TRIM36: variants seen among roughly 807,000 people sequenced by gnomAD.
The protein encoded by TRIM36 is E3 ubiquitin-protein ligase TRIM36.
A neutral mutation model predicts 72.4 loss-of-function variants in TRIM36; 42 were observed. That is an observed-to-expected ratio of 0.58 (90% CI 0.45 to 0.75). The LOEUF is 0.75. Among genes scored for constraint, TRIM36 ranks in the 30% least tolerant of loss-of-function variants. The pLI is 0.00. For missense variants in TRIM36, 913 were observed against 857.1 expected, an observed-to-expected ratio of 1.07 and a Z score of -0.81; for synonymous variants, 315 against 282.8, an observed-to-expected ratio of 1.11 and a Z score of -1.14.
At position 115,126,432 on chromosome 5, in the gene TRIM36, A is replaced by C. The variant is rs1410499774; in HGVS notation, c.*71T>G. 5.0e-6 allele frequency: 6 copies of C among 1,203,372 alleles called. No homozygotes were observed. In the South Asian group the frequency reaches 7.7e-5, roughly 15 times the overall value. 74.5% of individuals were successfully genotyped at this position (1,203,372 alleles called of 1,614,324 possible). A position where few individuals can be genotyped will look rare whatever the true frequency, so the allele number is the denominator to read the frequency against. On this transcript the variant is annotated 3_prime_UTR_variant, in exon 10 of 10. Transcript: ENST00000513154. Reference sequence around the variant, plus strand: ...ACAGAACACTCAGCGATATGTAATTAGTTACGAAGGTTAACGCTAAGGCAT... The same window carrying C: ...ACAGAACACTCAGCGATATGTAATTCGTTACGAAGGTTAACGCTAAGGCAT...
intron 2 of TRIM36, among the ~76,000 whole-genome samples, chr5:115,161,776 T>C (rs1754494406): frequency 6.6e-6 from 1 of 152,202 alleles, no homozygotes; most frequent in African/African-American, 2.4e-5. Context: ...GCTGATGGTT[T>C]TCTTACAGTA....
intron 2 of TRIM36, among the ~76,000 whole-genome samples, chr5:115,150,425 ACACAGGGTTG>A (rs1319032913): frequency 2.0e-5 from 3 of 152,238 alleles, no homozygotes; most frequent in Non-Finnish European, 4.4e-5. Flanking sequence ...ATATTATATG[ACACAGGGTTG>A]AACATTTCCA....
chr5:115,168,002 C>CA (rs753181835), intron 1 of TRIM36, among the ~76,000 whole-genome samples: 4 of 152,114 alleles, frequency 2.6e-5, no homozygotes, highest in Admixed American at 6.5e-5. Flanking sequence ...GGAGTAAGAA[C>CA]AGAGAATACT....
Position 115,169,834 on chromosome 5 carries a change from G to A in TRIM36, c.-200C>T. The stretch of plus-strand genomic sequence containing the variant: ...AGGCAAAAGCACAGGCGCGGGAGAA[G>A]CGAGCTTTGCTCCCAGCGACTACCC... On this transcript the variant is annotated 5_prime_UTR_variant, in exon 1 of 10. Coordinates refer to ENST00000513154, the MANE Select transcript of TRIM36 (RefSeq NM_001300759.2). The A allele has an allele frequency of 2.3e-6, 3 of 1,322,156 alleles. No individual in the cohort carries two copies. Among genetic ancestry groups the A allele is most frequent in the Non-Finnish European group, 2.9e-6 (3 of 1,033,100 alleles). The allele number at this position is 1,322,156 out of a possible 1,614,324, so 81.9% of individuals were successfully genotyped here.
At chr5:115,133,814 C>G in intron 8 of TRIM36, 46 bp downstream of exon 8, 1 of 1,518,092 alleles carries the variant, frequency 6.6e-7, no homozygotes, top group Non-Finnish European at 8.8e-7. Flanking sequence ...ATCAAGGTCT[C>G]TTGCAACTAA....
chr5:115,179,175 G>C, intron 1 of TRIM36, among the ~76,000 whole-genome samples: 1 of 152,024 alleles, frequency 6.6e-6, no homozygotes, highest in East Asian at 1.9e-4. Context: ...GACACGTTCC[G>C]CCTGCAAACC....
At chr5:115,170,991 C>A, upstream of TRIM36, 1 of 1,476,056 alleles carries the variant, frequency 6.8e-7, no homozygotes, top group Admixed American at 1.9e-5. Flanking sequence ...TTAGATCACG[C>A]ACTGCCTTTC....
chr5:115,145,490 G>C (rs1427955728), intron 3 of TRIM36, among the ~76,000 whole-genome samples: 1 of 152,106 alleles, frequency 6.6e-6, no homozygotes, highest in South Asian at 2.1e-4. Flanking sequence ...TTAAGCAATT[G>C]TAACTTGTCT....
chr5:115,143,893 CAG>C (rs1291039506), intron 4 of TRIM36, among the ~76,000 whole-genome samples: 6 of 151,952 alleles, frequency 3.9e-5, no homozygotes, highest in African/African-American at 1.5e-4. Context: ...GTTTTTGAGA[CAG>C]AGTCTCACTC....
chr5:115,138,110 G>GT, intron 5 of TRIM36, among the ~76,000 whole-genome samples: 1 of 152,172 alleles, frequency 6.6e-6, no homozygotes, highest in Middle Eastern at 3.4e-3. Context: ...AGTTGTTTTT[G>GT]TTTTTTTGAG....
In TRIM36 at chr5:115,126,718, T is replaced by C; in HGVS notation, c.1936A>G (p.Arg646Gly). ...ATACTTGTTGGCATAGGGAGAACTC[T>C]ATTTTCAGGTTCATTAGAAGAAGTA... Reference protein sequence around the residue: ...SPTSSNEPENRVLPMPTSIGI... With the variant: ...SPTSSNEPENGVLPMPTSIGI... Residue 646 changes from arginine (R) to glycine (G), a missense_variant, in exon 10 of 10, where the codon AGA becomes GGA. Physicochemically the swap from Arg to Gly is moderately radical, Grantham distance 125 (BLOSUM62 -2). Transcript: ENST00000513154. 6.2e-7 allele frequency: 1 copy of C among 1,614,210 alleles called. No homozygotes were observed. Among genetic ancestry groups the C allele is most frequent in the Non-Finnish European group, 8.5e-7 (1 of 1,180,036 alleles).
chr5:115,128,529 G>A (rs1302714173), intron 9 of TRIM36, among the ~76,000 whole-genome samples: 1 of 149,966 alleles, frequency 6.7e-6, no homozygotes, highest in Non-Finnish European at 1.5e-5. Flanking sequence ...GAGGCGGGTG[G>A]ATCATGAGGT....
chr5:115,175,101 G>C (rs1262552801), intron 1 of TRIM36, among the ~76,000 whole-genome samples: 1 of 150,848 alleles, frequency 6.6e-6, no homozygotes, highest in East Asian at 1.9e-4. Flanking sequence ...TGGAATTTCA[G>C]ATACATGATA....
intron 1 of TRIM36, among the ~76,000 whole-genome samples, chr5:115,164,967 T>A (rs914474791): frequency 6.6e-6 from 1 of 152,136 alleles, no homozygotes; most frequent in Non-Finnish European, 1.5e-5. Flanking sequence ...GGGCTACAGG[T>A]CCCATGAAAG....
At chr5:115,163,497 G>A (rs1754595634) in intron 2 of TRIM36, 21 bp downstream of exon 2, 2 of 1,601,770 alleles carry the variant, frequency 1.2e-6, no homozygotes, top group Non-Finnish European at 1.7e-6. Flanking sequence ...TACCATCCCA[G>A]CCCACAGTTC....
upstream of TRIM36, chr5:115,170,037 C>T: frequency 7.1e-6 from 7 of 982,918 alleles, no homozygotes; most frequent in Non-Finnish European, 8.6e-6. Flanking sequence ...GGCTGGTAGG[C>T]CGGGTGTCTG....
intron 2 of TRIM36, chr5:115,148,275 T>G: frequency 1.1e-6 from 1 of 911,184 alleles, no homozygotes; most frequent in South Asian, 5.0e-5. Flanking sequence ...AAACATCACA[T>G]TTTTGTTCAG....
upstream of TRIM36, chr5:115,169,937 G>GGGCGGGGCAC (rs1379038383): frequency 5.6e-5 from 70 of 1,247,982 alleles, no homozygotes; most frequent in African/African-American, 9.4e-4. Flanking sequence ...GCAGAGACCT[G>GGGCGGGGCAC]GGCGGGGCAC....
intron 2 of TRIM36, among the ~76,000 whole-genome samples, chr5:115,148,507 G>C (rs1439676524): frequency 1.4e-5 from 2 of 146,340 alleles, no homozygotes; most frequent in East Asian, 2.2e-4. Flanking sequence ...TGCCTCCCAG[G>C]TTCAAGCAAT....
Sources: allele counts gnomAD v4.1 joint callset (sites outside exome capture counted in the v4.1 genomes callset), GRCh38; gene constraint gnomAD v4.1.1; transcripts MANE v1.5; gene names NCBI Gene and HGNC (gene_info 2026-07-23, HGNC 2026-07-21).